Variants in PPM1L observed in about 807,000 individuals in gnomAD.
PPM1L encodes protein phosphatase, Mg2+/Mn2+ dependent 1L, also known as protein phosphatase 1L.
A neutral mutation model predicts 31.4 loss-of-function variants in PPM1L; 13 were observed. The ratio of observed to expected loss-of-function variants is 0.41; its 90% CI spans 0.27 to 0.66. PPM1L has a LOEUF of 0.66. Ranked by LOEUF, PPM1L falls within the 30% of genes least tolerant of loss-of-function variation. PPM1L has a pLI of 0.29. For synonymous variants in PPM1L, 184 were observed against 175.4 expected, an observed-to-expected ratio of 1.05 and a Z score of -0.39; for missense variants, 326 against 453.7, an observed-to-expected ratio of 0.72 and a Z score of 2.56.
intron 1 of PPM1L, among the ~76,000 whole-genome samples, chr3:160,944,840 G>T (rs555072489): frequency 4.2e-5 from 2 of 47,770 alleles, no homozygotes; most frequent in African/African-American, 7.5e-5. Context: ...ACATATATAT[G>T]TTATATATAA....
chr3:160,834,914 A>G (rs1713649089), intron 1 of PPM1L, among the ~76,000 whole-genome samples: 1 of 152,084 alleles, frequency 6.6e-6, no homozygotes, highest in Admixed American at 6.6e-5. Context: ...TTTAGTGTCG[A>G]CATAGGTTTT....
chr3:160,859,351 G>T (rs1002008433), intron 1 of PPM1L, among the ~76,000 whole-genome samples: 4 of 152,136 alleles, frequency 2.6e-5, no homozygotes, highest in Non-Finnish European at 4.4e-5. Context: ...AACCTTTAAG[G>T]TCTTTCCAGT....
intron 2 of PPM1L, among the ~76,000 whole-genome samples, chr3:160,991,261 C>A (rs560505412): frequency 6.6e-6 from 1 of 152,206 alleles, no homozygotes; most frequent in East Asian, 1.9e-4. Context: ...TTTCCCAAAC[C>A]ATTTTGAATG....
chr3:161,000,065 C>T (rs554031086), intron 2 of PPM1L, among the ~76,000 whole-genome samples: 73 of 152,228 alleles, frequency 4.8e-4, no homozygotes, highest in Non-Finnish European at 7.9e-4. Flanking sequence ...AATAGATGTT[C>T]GGTAAATGTT....
At chr3:160,758,417 T>C (rs1370041928) in intron 1 of PPM1L, among the ~76,000 whole-genome samples, 5 of 152,074 alleles carry the variant, frequency 3.3e-5, no homozygotes, top group Admixed American at 3.3e-4. Context: ...ATATTTATTA[T>C]ATATTTTTAT....
chr3:160,898,356 T>C (rs1273301649), intron 1 of PPM1L, among the ~76,000 whole-genome samples: 2 of 152,198 alleles, frequency 1.3e-5, no homozygotes, highest in African/African-American at 4.8e-5. Flanking sequence ...ATTGAATAAA[T>C]GTCAACACTG....
intron 2 of PPM1L, 95 bp downstream of exon 2, chr3:160,962,005 G>A: frequency 5.5e-6 from 5 of 903,706 alleles, no homozygotes; most frequent in Non-Finnish European, 8.0e-6. Flanking sequence ...GGGCAAACTA[G>A]ATTCAAAGTT....
At chr3:161,026,794 A>T (rs1273451151) in intron 2 of PPM1L, among the ~76,000 whole-genome samples, 1 of 151,846 alleles carries the variant, frequency 6.6e-6, no homozygotes, top group East Asian at 1.9e-4. Context: ...TAATGGCCAG[A>T]CTCAAGGAAC....
chr3:161,045,803 C>G (rs1390229951), intron 2 of PPM1L, among the ~76,000 whole-genome samples: 2 of 151,936 alleles, frequency 1.3e-5, no homozygotes, highest in East Asian at 1.9e-4. Context: ...GATAGAGACA[C>G]AAAAAACCCT....
At chr3:160,935,120 G>A (rs1257389719) in intron 1 of PPM1L, among the ~76,000 whole-genome samples, 1 of 152,120 alleles carries the variant, frequency 6.6e-6, no homozygotes, top group African/African-American at 2.4e-5. Context: ...CATGAGTGAA[G>A]ACCTGTGTGT....
intron 1 of PPM1L, among the ~76,000 whole-genome samples, chr3:160,853,832 C>A (rs1158771416): frequency 6.6e-6 from 1 of 152,114 alleles, no homozygotes. Context: ...AGTTTGTTTT[C>A]AATTTAATTC....
chr3:160,920,615 T>TCTCTCTCACACA (rs1389629070), intron 1 of PPM1L, among the ~76,000 whole-genome samples: 3 of 28,708 alleles, frequency 1.0e-4, no homozygotes, highest in African/African-American at 3.1e-4. Context: ...TCTCTCTCTC[T>TCTCTCTCACACA]CACACACACA....
chr3:161,022,503 A>G (rs1718260573), intron 2 of PPM1L: 2 of 198,680 alleles, frequency 1.0e-5, no homozygotes, highest in South Asian at 1.9e-4. Flanking sequence ...ATTATTGGTT[A>G]CATTTGTTTA....
chr3:160,855,173 T>G (rs1373472307), intron 1 of PPM1L, among the ~76,000 whole-genome samples: 5 of 152,168 alleles, frequency 3.3e-5, no homozygotes, highest in Non-Finnish European at 7.3e-5. Context: ...GCTAGCCCTA[T>G]GCAGAAGACT....
At chr3:160,791,991 G>A (rs185801716) in intron 1 of PPM1L, among the ~76,000 whole-genome samples, 1 of 152,106 alleles carries the variant, frequency 6.6e-6, no homozygotes, top group Non-Finnish European at 1.5e-5. Context: ...AGGGGAGTTT[G>A]GAGTTTTTCA....
chr3:160,867,327 C>CTTTTTTTTTTTTTTT (rs529507709), intron 1 of PPM1L, among the ~76,000 whole-genome samples: 1 of 123,956 alleles, frequency 8.1e-6, no homozygotes, highest in Non-Finnish European at 1.7e-5. Flanking sequence ...GTTCCATGTT[C>CTTTTTTTTTTTTTTT]TTTTTTTTTT....
chr3:160,796,000 C>T (rs111664926), intron 1 of PPM1L, among the ~76,000 whole-genome samples: 4,073 of 152,290 alleles, frequency 0.027, 188 homozygotes, highest in African/African-American at 0.093. Flanking sequence ...CTGATTTCCC[C>T]TAAATCTGAA....
chr3:160,937,907 A>T (rs994894225), intron 1 of PPM1L, among the ~76,000 whole-genome samples: 3 of 152,178 alleles, frequency 2.0e-5, no homozygotes, highest in Non-Finnish European at 4.4e-5. Flanking sequence ...TGCAGGTATG[A>T]TCTACATAAA....
chr3:160,804,433 A>G (rs1227335077), intron 1 of PPM1L, among the ~76,000 whole-genome samples: 2 of 152,196 alleles, frequency 1.3e-5, no homozygotes, highest in African/African-American at 4.8e-5. Context: ...TGCAGAGGCT[A>G]CAGGCCTTTT....
Sources: allele counts gnomAD v4.1 joint callset (sites outside exome capture counted in the v4.1 genomes callset), GRCh38; gene constraint gnomAD v4.1.1; transcripts MANE v1.5; gene names NCBI Gene and HGNC (gene_info 2026-07-23, HGNC 2026-07-21).